Variants in AMIGO1 observed in about 807,000 individuals in gnomAD.
The protein encoded by AMIGO1 is amphoterin-induced protein 1.
For missense variants in AMIGO1, 361 were observed against 612.3 expected, an observed-to-expected ratio of 0.59 and a Z score of 4.33; for synonymous variants, 249 against 266.3, an observed-to-expected ratio of 0.93 and a Z score of 0.63.
At position 109,507,337 on chromosome 1, in the gene AMIGO1, C is replaced by A. The variant is rs1042067960; in HGVS notation, c.*94G>T. ...CCCTTGAGGTCAGGAGGAATCCATT[C>A]CCTTGGGCAGCCAGCCCTCTCTTCC... On this transcript the variant is annotated 3_prime_UTR_variant, in exon 2 of 2. Transcript: ENST00000369864. This position sits in a 1 kb window ranked among gnomAD's most constrained non-coding sequence, Gnocchi z 4.7. 13 of 1,491,658 alleles carry A rather than the reference C, an allele frequency of 8.7e-6. No homozygotes were observed. In the African/African-American group the frequency reaches 1.7e-4, roughly 19 times the overall value. 92.4% of individuals were successfully genotyped at this position (1,491,658 alleles called of 1,614,324 possible). A position where few individuals can be genotyped will look rare whatever the true frequency, so the allele number is the denominator to read the frequency against.
Position 109,506,252 on chromosome 1 carries a change from C to T in AMIGO1, c.*1179G>A. 6.6e-6 allele frequency: 1 copy of T among 152,172 alleles called. No homozygotes were observed. The highest frequency in any genetic ancestry group is 1.5e-5 in the Non-Finnish European group (1 of 68,032). 9.4% of individuals were successfully genotyped at this position (152,172 alleles called of 1,614,324 possible). ...GCAGAGGTGGTATCTCTGAGAGGAG[C>T]AAGGCAACCTTGTCCACACAGAGGA... On this transcript the variant is annotated 3_prime_UTR_variant, in exon 2 of 2. Transcript: ENST00000369864.
At position 109,506,431 on chromosome 1, in the gene AMIGO1, T is replaced by C. The variant is rs1212047923; in HGVS notation, c.*1000A>G. ...AGACTGGATGAAGAGATGGCATACA[T>C]TGAGAATCAGCTAGGTCCAGCTGGA... On this transcript the variant is annotated 3_prime_UTR_variant, in exon 2 of 2. Transcript: ENST00000369864. The C allele has an allele frequency of 3.3e-5, 5 of 152,206 alleles. No homozygotes were observed. The highest frequency in any genetic ancestry group is 5.9e-5 in the Non-Finnish European group (4 of 68,044). The allele number at this position is 152,206 out of a possible 1,614,324, so 9.4% of individuals were successfully genotyped here. A position where few individuals can be genotyped will look rare whatever the true frequency, so the allele number is the denominator to read the frequency against.
In AMIGO1 at chr1:109,508,376, C is replaced by T; in HGVS notation, c.537G>A (p.Lys179=). 1 of 1,614,110 alleles carries T rather than the reference C, an allele frequency of 6.2e-7. No homozygotes were observed. Among genetic ancestry groups the T allele is most frequent in the South Asian group, 1.1e-5 (1 of 91,082 alleles). ...TTAGTTTGGGTAGCTTGGCTCCTTC[C>T]TTGACCAGTTCCAGAGGGAAGCGAG... ...QISRFPLELV[K]EGAKLPKLTL... is the part of the protein sequence containing the mutation. Residue 179 remains lysine, a synonymous_variant, in exon 2 of 2, where the codon AAG becomes AAA. Coordinates refer to ENST00000369864, the MANE Select transcript of AMIGO1 (RefSeq NM_020703.4). The surrounding 1 kb of genome is among the most constrained non-coding windows in gnomAD (Gnocchi z 7.8).
At position 109,504,716 on chromosome 1, in the gene AMIGO1, G is replaced by A. The variant is rs1007388147; in HGVS notation, c.*2715C>T. ...GAAACAAATCAAATCTCTTGGTAGG[G>A]CAGCCAGGTACATCTACCAGGTGTC... On this transcript the variant is annotated 3_prime_UTR_variant, in exon 2 of 2. Coordinates refer to ENST00000369864, the MANE Select transcript of AMIGO1 (RefSeq NM_020703.4). 3 of 152,164 alleles carry A rather than the reference G, an allele frequency of 2.0e-5. No individual in the cohort carries two copies. The highest frequency in any genetic ancestry group is 7.2e-5 in the African/African-American group (3 of 41,426). The allele number at this position is 152,164 out of a possible 1,614,324, so 9.4% of individuals were successfully genotyped here. A position where few individuals can be genotyped will look rare whatever the true frequency, so the allele number is the denominator to read the frequency against.
At position 109,507,320 on chromosome 1, in the gene AMIGO1, G is replaced by A; in HGVS notation, c.*111C>T. The A allele has an allele frequency of 7.0e-7, 1 of 1,436,954 alleles. No individual in the cohort carries two copies. Among genetic ancestry groups the A allele is most frequent in the East Asian group, 2.3e-5 (1 of 43,382 alleles). The allele number at this position is 1,436,954 out of a possible 1,614,324, so 89.0% of individuals were successfully genotyped here. On this transcript the variant is annotated 3_prime_UTR_variant, in exon 2 of 2. Transcript: ENST00000369864. The surrounding 1 kb of genome is among the most constrained non-coding windows in gnomAD (Gnocchi z 4.7). Reference sequence around the variant, plus strand: ...TGTACCTGGGACCAATTCCCTTGAGGTCAGGAGGAATCCATTCCCTTGGGC... The same window carrying A: ...TGTACCTGGGACCAATTCCCTTGAGATCAGGAGGAATCCATTCCCTTGGGC...
intron 1 of AMIGO1, 63 bp from the exon 2 acceptor site, chr1:109,509,062 C>T: frequency 1.1e-6 from 1 of 876,292 alleles, no homozygotes; most frequent in East Asian, 2.7e-5. Context: ...CACCCTCTCC[C>T]ACTTCCCCTC....
rs1658061098 is a variant in AMIGO1 at position 109,507,709 on chromosome 1, C to T, written c.1204G>A (p.Gly402Ser). The T allele has an allele frequency of 6.2e-7, 1 of 1,613,966 alleles. No homozygotes were observed. The highest frequency in any genetic ancestry group is 8.5e-7 in the Non-Finnish European group (1 of 1,180,018). ...YLTPCRCWCRGVEKPSSHQGD... is the reference protein window; with the variant it reads ...YLTPCRCWCRSVEKPSSHQGD... The stretch of plus-strand genomic sequence containing the variant: ...TGATGGCTGGAAGGCTTCTCTACAC[C>T]CCGGCACCAGCAGCGGCAAGGGGTG... The change falls in exon 2 of 2, where the codon GGT (glycine) becomes AGT (serine). Residue 402 changes from glycine to serine, a missense_variant. Transcript: ENST00000369864. This position sits in a 1 kb window ranked among gnomAD's most constrained non-coding sequence, Gnocchi z 4.7.
Position 109,508,391 on chromosome 1 carries a change from A to G in AMIGO1, c.522T>C (p.Pro174=), listed in dbSNP as rs752372283. ...TGGCTCCTTCCTTGACCAGTTCCAG[A>G]GGGAAGCGAGAGATCTGGTTCTGGC... The part of the protein sequence containing the change: ...YLSQNQISRF[P]LELVKEGAKL... The change falls in exon 2 of 2, where the codon CCT becomes CCC. Residue 174 remains proline (P), a synonymous_variant. Coordinates refer to ENST00000369864, the MANE Select transcript of AMIGO1 (RefSeq NM_020703.4). This position sits in a 1 kb window ranked among gnomAD's most constrained non-coding sequence, Gnocchi z 7.8. The G allele has an allele frequency of 5.6e-6, 9 of 1,614,002 alleles. No homozygotes were observed. In the Admixed American group the frequency reaches 1.2e-4, roughly 21 times the overall value.
Position 109,507,651 on chromosome 1 carries a change from G to GTAC in AMIGO1, c.1259_1261dup (p.Ser420dup), listed in dbSNP as rs1658059799. 1 of 1,614,152 alleles carries GTAC rather than the reference G, an allele frequency of 6.2e-7. No individual in the cohort carries two copies. Among genetic ancestry groups the GTAC allele is most frequent in the East Asian group, 2.2e-5 (1 of 44,884 alleles). ...AGCCATAGGATCATGGTTGGGTGTG[G>GTAC]TACTAAGCATGGAAGAGCTGAGGCT... On this transcript the variant is annotated inframe_insertion, in exon 2 of 2. Coordinates refer to ENST00000369864, the MANE Select transcript of AMIGO1 (RefSeq NM_020703.4). The surrounding 1 kb of genome is among the most constrained non-coding windows in gnomAD (Gnocchi z 4.7).
rs989000998 is a variant in AMIGO1, at chr1:109,504,496, A to T, written c.*2935T>A. The stretch of plus-strand genomic sequence containing the variant: ...GCCCTGTCATCCTCTGTCTCCAGGG[A>T]CACCTGCTTCCTGGGAGACATGTCT... On this transcript the variant is annotated 3_prime_UTR_variant, in exon 2 of 2. Transcript: ENST00000369864. 7.2e-5 allele frequency: 11 copies of T among 152,180 alleles called. No individual in the cohort carries two copies. Among genetic ancestry groups the T allele is most frequent in the Non-Finnish European group, 1.2e-4 (8 of 68,048 alleles). 9.4% of individuals were successfully genotyped at this position (152,180 alleles called of 1,614,324 possible). A position where few individuals can be genotyped will look rare whatever the true frequency, so the allele number is the denominator to read the frequency against.
Position 109,506,765 on chromosome 1 carries a change from T to C in AMIGO1, c.*666A>G, listed in dbSNP as rs1346897208. 6.5e-6 allele frequency: 1 copy of C among 152,756 alleles called. No individual in the cohort carries two copies. The highest frequency in any genetic ancestry group is 1.5e-5 in the Non-Finnish European group (1 of 68,470). The allele number at this position is 152,756 out of a possible 1,614,324, so 9.5% of individuals were successfully genotyped here. On this transcript the variant is annotated 3_prime_UTR_variant, in exon 2 of 2. Transcript: ENST00000369864. ...GCACAGATACCACATCCCACATTGC[T>C]GTTGTAACTAAAAGGCAGCAGGCCA...
rs149872562 is a variant in AMIGO1 at position 109,507,628 on chromosome 1, C to A, written c.1285G>T (p.Ala429Ser). The A allele has an allele frequency of 9.0e-4, 1,452 of 1,614,120 alleles. 2 individuals carry two copies. The highest frequency in any genetic ancestry group is 9.2e-4 in the Non-Finnish European group (1,087 of 1,180,020). Reference sequence around the variant, plus strand: ...AAACCATCATCTTTGTCCCCACCAGCCATAGGATCATGGTTGGGTGTGGTA... The same window carrying A: ...AAACCATCATCTTTGTCCCCACCAGACATAGGATCATGGTTGGGTGTGGTA... ...LSTTPNHDPM[A>S]GGDKDDGFDR... is the part of the protein sequence containing the mutation. The change falls in exon 2 of 2, where the codon GCT becomes TCT. Residue 429 changes from alanine to serine, a missense_variant. Coordinates refer to ENST00000369864, the MANE Select transcript of AMIGO1 (RefSeq NM_020703.4). The surrounding 1 kb of genome is among the most constrained non-coding windows in gnomAD (Gnocchi z 4.7).
rs758623374 is a variant in AMIGO1, at chr1:109,507,527, G to T, written c.1386C>A (p.Thr462=). The change falls in exon 2 of 2, where the codon ACC becomes ACA. Residue 462 remains threonine (T), a synonymous_variant. Coordinates refer to ENST00000369864, the MANE Select transcript of AMIGO1 (RefSeq NM_020703.4). The surrounding 1 kb of genome is among the most constrained non-coding windows in gnomAD (Gnocchi z 4.7). Reference sequence around the variant, plus strand: ...TGCCTGTGGCCTCAGGCACTGGCAGGGTGTTGCCTGGCTTGAGCTTGCCGT... The same window carrying T: ...TGCCTGTGGCCTCAGGCACTGGCAGTGTGTTGCCTGGCTTGAGCTTGCCGT... ...GQNGKLKPGN[T]LPVPEATGKG... The T allele has an allele frequency of 1.9e-5, 31 of 1,614,156 alleles. No individual in the cohort carries two copies. Among genetic ancestry groups the T allele is most frequent in the Non-Finnish European group, 6.8e-6 (8 of 1,180,036 alleles).
In AMIGO1 at chr1:109,507,381, G is replaced by T; in HGVS notation, c.*50C>A. ...CTCTTCCATCCCCTCATATCCTTCA[G>T]GGGTGCATTACCTCTCCTGGGGCAG... is the stretch of plus-strand genomic sequence containing the variant. On this transcript the variant is annotated 3_prime_UTR_variant, in exon 2 of 2. Coordinates refer to ENST00000369864, the MANE Select transcript of AMIGO1 (RefSeq NM_020703.4). This position sits in a 1 kb window ranked among gnomAD's most constrained non-coding sequence, Gnocchi z 4.7. 1 of 1,547,662 alleles carries T rather than the reference G, an allele frequency of 6.5e-7. No individual in the cohort carries two copies. Among genetic ancestry groups the T allele is most frequent in the Non-Finnish European group, 8.7e-7 (1 of 1,145,112 alleles).
In AMIGO1 at chr1:109,506,971, C is replaced by T. The variant is rs950449110; in HGVS notation, c.*460G>A. On this transcript the variant is annotated 3_prime_UTR_variant, in exon 2 of 2. Coordinates refer to ENST00000369864, the MANE Select transcript of AMIGO1 (RefSeq NM_020703.4). Reference sequence around the variant, plus strand: ...TTTGACTTGCTAAACAAAGAAGATACTACAGCTTTTCCCCAGTGTGGCTCC... The same window carrying T: ...TTTGACTTGCTAAACAAAGAAGATATTACAGCTTTTCCCCAGTGTGGCTCC... 2 of 157,984 alleles carry T rather than the reference C, an allele frequency of 1.3e-5. No homozygotes were observed. The highest frequency in any genetic ancestry group is 2.4e-5 in the African/African-American group (1 of 41,518). The allele number at this position is 157,984 out of a possible 1,614,324, so 9.8% of individuals were successfully genotyped here.
In AMIGO1 at chr1:109,508,157, G is replaced by A. The variant is rs371542018; in HGVS notation, c.756C>T (p.Tyr252=). ...TGTGCAGCTTCTTGGAGTTCATGCAGTACAGATCCTCTTGAAAGTCCATCA... is the reference window on the plus strand; with the variant it reads ...TGTGCAGCTTCTTGGAGTTCATGCAATACAGATCCTCTTGAAAGTCCATCA... ...SSVMDFQEDL[Y]CMNSKKLHNV... The change falls in exon 2 of 2, where the codon TAC becomes TAT. Residue 252 remains tyrosine, a synonymous_variant. Coordinates refer to ENST00000369864, the MANE Select transcript of AMIGO1 (RefSeq NM_020703.4). The surrounding 1 kb of genome is among the most constrained non-coding windows in gnomAD (Gnocchi z 7.8). The A allele has an allele frequency of 1.2e-6, 2 of 1,614,140 alleles. No homozygotes were observed. Among genetic ancestry groups the A allele is most frequent in the South Asian group, 1.1e-5 (1 of 91,084 alleles).
In AMIGO1 at chr1:109,507,619, C is replaced by A. The variant is rs1160486910; in HGVS notation, c.1294G>T (p.Asp432Tyr). The change falls in exon 2 of 2, where the codon GAC becomes TAC. Residue 432 changes from aspartate (D) to tyrosine (Y), a missense_variant. Physicochemically the swap from Asp to Tyr is radical, Grantham distance 160. Coordinates refer to ENST00000369864, the MANE Select transcript of AMIGO1 (RefSeq NM_020703.4). The surrounding 1 kb of genome is among the most constrained non-coding windows in gnomAD (Gnocchi z 4.7). ...TPNHDPMAGGDKDDGFDRRVA... is the reference protein window; with the variant it reads ...TPNHDPMAGGYKDDGFDRRVA... The stretch of plus-strand genomic sequence containing the variant: ...CGCCGGTCAAAACCATCATCTTTGT[C>A]CCCACCAGCCATAGGATCATGGTTG... The A allele has an allele frequency of 6.2e-7, 1 of 1,614,128 alleles. No individual in the cohort carries two copies. Among genetic ancestry groups the A allele is most frequent in the Non-Finnish European group, 8.5e-7 (1 of 1,180,018 alleles).
chr1:109,508,720 G>A lies in AMIGO1; in HGVS notation c.193C>T (p.Leu65=). The A allele has an allele frequency of 6.2e-7, 1 of 1,614,118 alleles. No individual in the cohort carries two copies. The highest frequency in any genetic ancestry group is 8.5e-7 in the Non-Finnish European group (1 of 1,179,996). The change falls in exon 2 of 2, where the codon CTA becomes TTA. Residue 65 remains leucine (L), a synonymous_variant. Transcript: ENST00000369864. This position sits in a 1 kb window ranked among gnomAD's most constrained non-coding sequence, Gnocchi z 7.8. The part of the protein sequence containing the change: ...VPHSLPSYTA[L]LDLSHNNLSR... Reference sequence around the variant, plus strand: ...AGGTTGTTGTGACTGAGGTCCAGTAGTGCTGTGTAACTGGGCAAGGAATGG... The same window carrying A: ...AGGTTGTTGTGACTGAGGTCCAGTAATGCTGTGTAACTGGGCAAGGAATGG...
rs754528761 is a variant in AMIGO1 at position 109,508,368 on chromosome 1, G to T, written c.545C>A (p.Ala182Asp). ...CAGGAGCGTTAGTTTGGGTAGCTTG[G>T]CTCCTTCCTTGACCAGTTCCAGAGG... The part of the protein sequence containing the change: ...RFPLELVKEG[A>D]KLPKLTLLDL... Residue 182 changes from alanine (A) to aspartate (D), a missense_variant, in exon 2 of 2, where the codon GCC (alanine) becomes GAC (aspartate). Transcript: ENST00000369864. This position sits in a 1 kb window ranked among gnomAD's most constrained non-coding sequence, Gnocchi z 7.8. 2 of 1,614,150 alleles carry T rather than the reference G, an allele frequency of 1.2e-6. No individual in the cohort carries two copies. The highest frequency in any genetic ancestry group is 1.7e-6 in the Non-Finnish European group (2 of 1,180,028).
Sources: allele counts gnomAD v4.1 joint callset, GRCh38; gene constraint gnomAD v4.1.1; non-coding constraint Gnocchi (gnomAD v3.1); transcripts MANE v1.5; gene names NCBI Gene and HGNC (gene_info 2026-07-23, HGNC 2026-07-21).